TRIM14: variants seen among roughly 807,000 people sequenced by gnomAD.
TRIM14 encodes the protein tripartite motif-containing protein 14.
A neutral mutation model predicts 44.5 loss-of-function variants in TRIM14; 28 were observed. That is an observed-to-expected ratio of 0.63 (90% CI 0.47 to 0.86). The LOEUF (loss-of-function observed/expected upper bound fraction) is 0.86. Ranked by LOEUF, TRIM14 falls within the 40% of genes least tolerant of loss-of-function variation. TRIM14 has a pLI of 0.00. For missense variants in TRIM14, 607 were observed against 611.1 expected (o/e 0.99, Z 0.07); for synonymous variants, 299 against 269.2 (o/e 1.11, Z -1.08).
intron 2 of TRIM14, among the ~76,000 whole-genome samples, chr9:98,103,911 C>G (rs558960906): frequency 6.6e-6 from 1 of 151,692 alleles, no homozygotes; most frequent in Admixed American, 6.6e-5. Context: ...GTCCACATAG[C>G]AGAATGAACC....
intron 6 of TRIM14, among the ~76,000 whole-genome samples, chr9:98,071,305 G>A (rs958376996): frequency 1.3e-5 from 2 of 152,232 alleles, no homozygotes; most frequent in African/African-American, 4.8e-5. Flanking sequence ...ACACCCTGCT[G>A]TGTGGCCCAT....
Position 98,091,895 on chromosome 9 carries a change from C to G in TRIM14, c.793+14G>C. ...CCACCGTCTCCACCCTATCCCCACTCCCGGGGGTCTTACATTTCAGCAATA... is the reference window on the plus strand; with the variant it reads ...CCACCGTCTCCACCCTATCCCCACTGCCGGGGGTCTTACATTTCAGCAATA... On this transcript the variant is annotated intron_variant, in intron 5 of 5. Coordinates refer to ENST00000341469, the MANE Select transcript of TRIM14 (RefSeq NM_014788.4). 1 of 1,581,796 alleles carries G rather than the reference C, an allele frequency of 6.3e-7. No homozygotes were observed. The highest frequency in any genetic ancestry group is 8.6e-7 in the Non-Finnish European group (1 of 1,160,272).
At chr9:98,118,483 C>A (rs1827131490) in intron 1 of TRIM14, among the ~76,000 whole-genome samples, 1 of 152,160 alleles carries the variant, frequency 6.6e-6, no homozygotes. Context: ...TAGGTAGTGA[C>A]AGCTGAGGCT....
intron 6 of TRIM14, among the ~76,000 whole-genome samples, chr9:98,077,333 T>C (rs971403770): frequency 1.3e-5 from 2 of 152,060 alleles, no homozygotes; most frequent in Non-Finnish European, 2.9e-5. Context: ...GAATTAAGAA[T>C]ATGACAGTTT....
chr9:98,041,770 C>T, the TRIM14 span, among the ~76,000 whole-genome samples: 1 of 151,632 alleles, frequency 6.6e-6, no homozygotes, highest in Admixed American at 6.6e-5. Flanking sequence ...GCAAGTTCCG[C>T]CTCCCAGGTT....
intron 2 of TRIM14, among the ~76,000 whole-genome samples, chr9:98,107,486 G>C (rs1310668502): frequency 6.6e-6 from 1 of 152,200 alleles, no homozygotes; most frequent in Non-Finnish European, 1.5e-5. Context: ...TGAACTAGTG[G>C]TTCTTGCAAC....
At chr9:98,057,330 ATTC>A in the TRIM14 span, among the ~76,000 whole-genome samples, 1 of 152,266 alleles carries the variant, frequency 6.6e-6, no homozygotes, top group South Asian at 2.1e-4. Context: ...GCCCGTCATA[ATTC>A]TTCTCTGACA....
rs183245721 is a variant in TRIM14, at chr9:98,106,828, T to C, written c.303+3061A>G. ...AACTCTTTTTCTTTTCTTTCTTCTT[T>C]TTTTTTTTTTTTTTTGAGACATGGT... is the stretch of plus-strand genomic sequence containing the variant. On this transcript the variant is annotated intron_variant, in intron 2 of 5. Coordinates refer to ENST00000341469, the MANE Select transcript of TRIM14 (RefSeq NM_014788.4). Among the ~76,000 whole-genome samples the C allele has an allele frequency of 1.9e-3, 206 of 105,670 alleles. 1 individual carries two copies. Among genetic ancestry groups the C allele is most frequent in the Admixed American group, 3.4e-3 (41 of 11,940 alleles). 69.3% of individuals were successfully genotyped at this position (105,670 alleles called of 152,430 possible).
At chr9:98,072,076 T>C (rs1829359928) in intron 6 of TRIM14, among the ~76,000 whole-genome samples, 1 of 152,194 alleles carries the variant, frequency 6.6e-6, no homozygotes, top group Non-Finnish European at 1.5e-5. Flanking sequence ...ATGGGTGTTT[T>C]AGAGTCAGGC....
chr9:98,110,199 T>A, intron 1 of TRIM14: 1 of 551,544 alleles, frequency 1.8e-6, no homozygotes, highest in Non-Finnish European at 3.2e-6. Flanking sequence ...ATGCCTCTAA[T>A]CTTGATTTGC....
downstream of TRIM14, chr9:98,082,881 G>T: frequency 6.2e-7 from 1 of 1,614,136 alleles, no homozygotes. Context: ...TGAAAATTCC[G>T]GAAGGCACCA....
intron 6 of TRIM14, among the ~76,000 whole-genome samples, chr9:98,079,284 C>A (rs758710472): frequency 1.3e-5 from 2 of 152,108 alleles, no homozygotes; most frequent in Non-Finnish European, 2.9e-5. Flanking sequence ...TAACTTTATT[C>A]GAAAATATGT....
chr9:98,098,057 A>G (rs1826247963), intron 3 of TRIM14, among the ~76,000 whole-genome samples: 1 of 152,152 alleles, frequency 6.6e-6, no homozygotes, highest in South Asian at 2.1e-4. Flanking sequence ...TTTTGTGTTG[A>G]CTGGCTTATT....
intron 1 of TRIM14, among the ~76,000 whole-genome samples, chr9:98,112,165 G>A (rs1369539310): frequency 1.3e-5 from 2 of 152,002 alleles, no homozygotes; most frequent in African/African-American, 2.4e-5. Flanking sequence ...TACTTCCTAG[G>A]TTTTTCACTG....
intron 4 of TRIM14, among the ~76,000 whole-genome samples, chr9:98,093,828 C>A (rs1826084963): frequency 6.6e-6 from 1 of 152,130 alleles, no homozygotes; most frequent in African/African-American, 2.4e-5. Flanking sequence ...TCACTGCAAC[C>A]TCCACCTCCC....
chr9:98,049,342 A>T, the TRIM14 span, among the ~76,000 whole-genome samples: 1 of 28,116 alleles, frequency 3.6e-5, no homozygotes, highest in South Asian at 6.1e-4. Context: ...ACTCTGCATA[A>T]AAAAAAAAAA....
chr9:98,061,074 A>C, the TRIM14 span: 1 of 1,401,170 alleles, frequency 7.1e-7, no homozygotes, highest in Non-Finnish European at 1.0e-6. Flanking sequence ...CTTCCGGCTT[A>C]GGGCCACCTC....
At chr9:98,055,551 GT>G in the TRIM14 span, among the ~76,000 whole-genome samples, 1 of 152,068 alleles carries the variant, frequency 6.6e-6, no homozygotes, top group African/African-American at 2.4e-5. Flanking sequence ...CTGGTCTTAG[GT>G]TTTACAATAG....
intron 6 of TRIM14, among the ~76,000 whole-genome samples, chr9:98,077,401 G>A (rs945169867): frequency 1.3e-5 from 2 of 151,030 alleles, no homozygotes; most frequent in Admixed American, 1.3e-4. Context: ...ATAGAGACAA[G>A]GTCTGTCTAT....
Sources: gnomAD v4.1 joint callset for allele counts (sites outside exome capture counted in the v4.1 genomes callset) on GRCh38, gnomAD v4.1.1 for gene constraint, MANE v1.5 for transcripts, NCBI Gene and HGNC (gene_info 2026-07-23, HGNC 2026-07-21) for gene names.